Variants in PRKCZ observed in about 807,000 individuals in gnomAD.
The protein encoded by PRKCZ is protein kinase C zeta.
A neutral mutation model predicts 79.5 loss-of-function variants in PRKCZ; 33 were observed. The observed-to-expected ratio is 0.41, with a 90% CI of 0.31 to 0.55. The LOEUF is 0.55. Ranked by LOEUF, PRKCZ falls within the 20% of genes least tolerant of loss-of-function variation. The pLI is 0.19. For missense variants in PRKCZ, 578 were observed against 813.5 expected (o/e 0.71, Z 3.52); for synonymous variants, 342 against 320.9 (o/e 1.07, Z -0.70).
intron 1 of PRKCZ, among the ~76,000 whole-genome samples, chr1:2,052,444 T>C (rs1201124845): frequency 7.2e-6 from 1 of 139,784 alleles, no homozygotes; most frequent in Admixed American, 7.3e-5. Context: ...TCCTCCCTCC[T>C]TCCCTGTTGT....
rs1303392887 is a variant in PRKCZ at position 2,165,808 on chromosome 1, C to T, written c.975-3710C>T. On this transcript the variant is annotated intron_variant, in intron 10 of 17. Coordinates refer to ENST00000378567, the MANE Select transcript of PRKCZ (RefSeq NM_002744.6). This position sits in a 1 kb window ranked among gnomAD's most constrained non-coding sequence, Gnocchi z 4.1. Reference sequence around the variant, plus strand: ...TGGTTCCTCCCTCTGAGCCGGGCACCTTGCATTCCTGGAAGGGGTGGGGGG... The same window carrying T: ...TGGTTCCTCCCTCTGAGCCGGGCACTTTGCATTCCTGGAAGGGGTGGGGGG... Among the ~76,000 whole-genome samples the T allele has an allele frequency of 2.0e-5, 3 of 152,150 alleles. No individual in the cohort carries two copies. The highest frequency in any genetic ancestry group is 7.2e-5 in the African/African-American group (3 of 41,428).
At chr1:2,146,516 C>T (rs558720857) in intron 7 of PRKCZ, among the ~76,000 whole-genome samples, 1 of 152,368 alleles carries the variant, frequency 6.6e-6, no homozygotes, top group South Asian at 2.1e-4. Flanking sequence ...GAGGTGGCTG[C>T]TGCACACACA....
chr1:2,093,409 T>G (rs1557541000), intron 4 of PRKCZ, among the ~76,000 whole-genome samples: 1 of 152,150 alleles, frequency 6.6e-6, no homozygotes. Context: ...TGCCTTTTTC[T>G]GCCTGACCCT....
At chr1:2,160,238 C>CGCGTGTGTGTGTGTGTGTGT (rs71578361) in intron 10 of PRKCZ, among the ~76,000 whole-genome samples, 1 of 146,374 alleles carries the variant, frequency 6.8e-6, no homozygotes, top group African/African-American at 2.6e-5. Flanking sequence ...CAGCAGTGTG[C>CGCGTGTGTGTGTGTGTGTGT]GTGTGTGTGT....
intron 4 of PRKCZ, among the ~76,000 whole-genome samples, chr1:2,112,792 G>A (rs1172331501): frequency 1.3e-5 from 2 of 151,890 alleles, no homozygotes; most frequent in Non-Finnish European, 2.9e-5. Flanking sequence ...TGGGTTCAAG[G>A]GATTTTCCTG....
intron 1 of PRKCZ, among the ~76,000 whole-genome samples, chr1:2,055,156 A>G (rs1660044757): frequency 1.3e-5 from 2 of 151,684 alleles, no homozygotes; most frequent in Admixed American, 6.6e-5. Flanking sequence ...GTTAGCCAGG[A>G]TGGTCTCGAT....
At chr1:2,055,208 C>G (rs958863046) in intron 1 of PRKCZ, among the ~76,000 whole-genome samples, 1 of 146,688 alleles carries the variant, frequency 6.8e-6, no homozygotes, top group Non-Finnish European at 1.5e-5. Flanking sequence ...TCCCAAAGTG[C>G]TGGGATGACA....
At chr1:2,180,260 C>T (rs1046890875) in intron 16 of PRKCZ, among the ~76,000 whole-genome samples, 4 of 151,742 alleles carry the variant, frequency 2.6e-5, no homozygotes, top group East Asian at 1.9e-4. Flanking sequence ...GGTGGATCCT[C>T]GGTGGGGCTT....
At chr1:2,061,753 AAC>A in intron 4 of PRKCZ, among the ~76,000 whole-genome samples, 1 of 152,038 alleles carries the variant, frequency 6.6e-6, no homozygotes, top group East Asian at 1.9e-4. Flanking sequence ...AGTGTGTGAG[AAC>A]ACACTGCCCA....
In PRKCZ at chr1:2,121,336, G is replaced by A. The variant is rs1220315498; in HGVS notation, c.335-13926G>A. Among the ~76,000 whole-genome samples, 8 of 152,152 alleles carry A rather than the reference G, an allele frequency of 5.3e-5. 1 individual carries two copies. Among genetic ancestry groups the A allele is most frequent in the Admixed American group, 2.0e-4 (3 of 15,272 alleles). ...ATAAGCGAACAAGGCGTGTACTTCC[G>A]GAATGCTATGGACTGAGTGTGTGTC... On this transcript the variant is annotated intron_variant, in intron 4 of 17. Transcript: ENST00000378567.
chr1:2,066,541 C>T (rs1404488235), intron 4 of PRKCZ, among the ~76,000 whole-genome samples: 1 of 152,194 alleles, frequency 6.6e-6, no homozygotes, highest in Non-Finnish European at 1.5e-5. Flanking sequence ...TGTGGTTTCA[C>T]ATGTTGGCCA....
At chr1:2,071,347 C>G in intron 4 of PRKCZ, 1 of 468,694 alleles carries the variant, frequency 2.1e-6, no homozygotes, top group Non-Finnish European at 4.3e-6. Context: ...GTTCCAGGCC[C>G]CGGCGGCGTC....
chr1:2,093,283 C>T (rs1571312897), intron 4 of PRKCZ, among the ~76,000 whole-genome samples: 1 of 152,298 alleles, frequency 6.6e-6, no homozygotes, highest in East Asian at 1.9e-4. Context: ...TCGCTGCTTC[C>T]TGCGCCCTGT....
intron 10 of PRKCZ, among the ~76,000 whole-genome samples, chr1:2,160,640 G>C (rs1044317695): frequency 3.9e-5 from 6 of 152,166 alleles, no homozygotes; most frequent in Admixed American, 6.5e-5. Context: ...GTGAGGAGTA[G>C]GATCTGGGCC....
intron 4 of PRKCZ, among the ~76,000 whole-genome samples, chr1:2,130,979 A>G (rs1050634869): frequency 2.0e-5 from 3 of 152,086 alleles, no homozygotes; most frequent in African/African-American, 7.2e-5. Flanking sequence ...CCCGCCTGAC[A>G]CAGTTCGACC....
intron 4 of PRKCZ, among the ~76,000 whole-genome samples, chr1:2,076,573 C>G (rs901825832): frequency 7.9e-5 from 12 of 152,048 alleles, no homozygotes; most frequent in African/African-American, 2.2e-4. Context: ...GAAACCCCGG[C>G]TCTACTAAAA....
chr1:2,137,260 C>T (rs1676401850), intron 5 of PRKCZ, among the ~76,000 whole-genome samples: 2 of 152,328 alleles, frequency 1.3e-5, no homozygotes, highest in South Asian at 4.1e-4. Flanking sequence ...AAAACTGCTT[C>T]TCCCACCTGC....
At chr1:2,180,345 GGACGACGTGGACACCCA>G (rs1557754457) in intron 16 of PRKCZ, among the ~76,000 whole-genome samples, 1 of 152,164 alleles carries the variant, frequency 6.6e-6, no homozygotes, top group Admixed American at 6.5e-5. Flanking sequence ...ACAGACGCCC[GGACGACGTGGACACCCA>G]GACGATGTGG....
At chr1:2,085,911 TTC>T (rs1188978456) in intron 4 of PRKCZ, among the ~76,000 whole-genome samples, 2 of 152,172 alleles carry the variant, frequency 1.3e-5, no homozygotes, top group African/African-American at 2.4e-5. Context: ...AGAGAGGCAC[TTC>T]TCTCTTTCTC....
Sources: allele counts gnomAD v4.1 joint callset (sites outside exome capture counted in the v4.1 genomes callset), GRCh38; gene constraint gnomAD v4.1.1; non-coding constraint Gnocchi (gnomAD v3.1); transcripts MANE v1.5; gene names NCBI Gene and HGNC (gene_info 2026-07-23, HGNC 2026-07-21).